The following CUX2 variants were observed in gnomAD, a reference collection of about 807,000 sequenced individuals.
The protein encoded by CUX2 is homeobox protein cut-like 2.
In CUX2, 40 loss-of-function variants were observed where a neutral mutation model predicts 144.8. That is an observed-to-expected ratio of 0.28 (90% CI 0.21 to 0.36). CUX2 has a LOEUF of 0.36. CUX2 is among the 10% of genes least tolerant of loss of function. CUX2 has a pLI of 1.00. For missense variants in CUX2, 1,615 were observed against 1,994.0 expected (o/e 0.81, Z 3.62); for synonymous variants, 827 against 875.6 (o/e 0.94, Z 0.98).
chr12:111,198,452 G>A (rs1263450097), intron 1 of CUX2, among the ~76,000 whole-genome samples: 2 of 150,128 alleles, frequency 1.3e-5, no homozygotes, highest in Non-Finnish European at 2.9e-5. Flanking sequence ...TCCAACCTGA[G>A]GTACAGAGTG....
chr12:111,222,282 C>T (rs1261514799), intron 3 of CUX2, among the ~76,000 whole-genome samples: 2 of 152,184 alleles, frequency 1.3e-5, no homozygotes, highest in African/African-American at 4.8e-5. Context: ...TTATTTTAAA[C>T]TTATTTTTAC....
intron 16 of CUX2, among the ~76,000 whole-genome samples, chr12:111,319,017 T>C (rs1321244914): frequency 6.6e-6 from 1 of 152,106 alleles, no homozygotes; most frequent in Admixed American, 6.6e-5. Context: ...TTCATTGCTA[T>C]TAGAACAAGT....
At position 111,077,465 on chromosome 12, in the gene CUX2, G is replaced by A. The variant is rs143672484; in HGVS notation, c.63+43225G>A. On this transcript the variant is annotated intron_variant, in intron 1 of 21. Transcript: ENST00000261726. This position sits in a 1 kb window ranked among gnomAD's most constrained non-coding sequence, Gnocchi z 4.1. ...TAAATCCATCAGGCTCACCAGCCCC[G>A]GTCTTGGACCACTGAATAATTTACG... Among the ~76,000 whole-genome samples, 5 of 152,278 alleles carry A rather than the reference G, an allele frequency of 3.3e-5. No individual in the cohort carries two copies. The highest frequency in any genetic ancestry group is 1.9e-4 in the East Asian group (1 of 5,184).
At position 111,171,079 on chromosome 12, in the gene CUX2, T is replaced by C. The variant is rs993526020; in HGVS notation, c.64-43121T>C. Among the ~76,000 whole-genome samples, 1 of 152,078 alleles carries C rather than the reference T, an allele frequency of 6.6e-6. No individual in the cohort carries two copies. Among genetic ancestry groups the C allele is most frequent in the Non-Finnish European group, 1.5e-5 (1 of 68,006 alleles). On this transcript the variant is annotated intron_variant, in intron 1 of 21. Coordinates refer to ENST00000261726, the MANE Select transcript of CUX2 (RefSeq NM_015267.4). This position sits in a 1 kb window ranked among gnomAD's most constrained non-coding sequence, Gnocchi z 5.0. The stretch of plus-strand genomic sequence containing the variant: ...TCTTGGGCTGTGACCCAGAGTGGCG[T>C]TGGCATCCAAGGAGAGAATAGGTGC...
rs2136378712 is a variant in CUX2, at chr12:111,312,285, C to T, written c.2002+84C>T. On this transcript the variant is annotated intron_variant, in intron 16 of 21. Coordinates refer to ENST00000261726, the MANE Select transcript of CUX2 (RefSeq NM_015267.4). The surrounding 1 kb of genome is among the most constrained non-coding windows in gnomAD (Gnocchi z 4.3). ...ATGAGGCTTCGTCTACCTTTGTCCA[C>T]CCCAGAGGGAATCCAAGGTGGATCA... 2 of 1,234,304 alleles carry T rather than the reference C, an allele frequency of 1.6e-6. No homozygotes were observed. The highest frequency in any genetic ancestry group is 2.0e-4 in the Middle Eastern group (1 of 5,036). The allele number at this position is 1,234,304 out of a possible 1,614,324, so 76.5% of individuals were successfully genotyped here. A position where few individuals can be genotyped will look rare whatever the true frequency, so the allele number is the denominator to read the frequency against.
At chr12:111,330,451 G>C in intron 18 of CUX2, among the ~76,000 whole-genome samples, 1 of 151,768 alleles carries the variant, frequency 6.6e-6, no homozygotes, top group Non-Finnish European at 1.5e-5. Flanking sequence ...TGGACACGTT[G>C]TCTAACCTCT....
At chr12:111,305,839 G>A (rs781444630) in intron 10 of CUX2, among the ~76,000 whole-genome samples, 5 of 152,168 alleles carry the variant, frequency 3.3e-5, no homozygotes, top group Non-Finnish European at 7.3e-5. Flanking sequence ...TCTGTTGTGT[G>A]TGATGATGTG....
chr12:111,129,734 T>G (rs1875339099), intron 1 of CUX2, among the ~76,000 whole-genome samples: 1 of 152,238 alleles, frequency 6.6e-6, no homozygotes, highest in Non-Finnish European at 1.5e-5. Flanking sequence ...GTTTACTAAT[T>G]TCCTACATAG....
At chr12:111,337,285 A>G (rs954259895) in intron 19 of CUX2, among the ~76,000 whole-genome samples, 3 of 151,494 alleles carry the variant, frequency 2.0e-5, no homozygotes, top group Admixed American at 6.6e-5. Flanking sequence ...CCTGGGAGGC[A>G]GAGGTTATAG....
At chr12:111,185,552 G>A (rs1879475312) in intron 1 of CUX2, among the ~76,000 whole-genome samples, 1 of 152,246 alleles carries the variant, frequency 6.6e-6, no homozygotes, top group Non-Finnish European at 1.5e-5. Context: ...CAGGCTGGAA[G>A]GAGGTGCTGT....
intron 1 of CUX2, among the ~76,000 whole-genome samples, chr12:111,148,712 G>A (rs759588365): frequency 6.6e-6 from 1 of 152,138 alleles, no homozygotes; most frequent in Non-Finnish European, 1.5e-5. Flanking sequence ...AAGTAGGTAA[G>A]GGGCTGGGCC....
chr12:111,250,760 A>C (rs1295815454), intron 3 of CUX2, among the ~76,000 whole-genome samples: 1 of 152,190 alleles, frequency 6.6e-6, no homozygotes. Flanking sequence ...TCCTGCGTGC[A>C]TGACCTGCCA....
chr12:111,334,337 A>G, intron 18 of CUX2, 104 bp from the exon 19 acceptor site: 1 of 1,290,328 alleles, frequency 7.7e-7, no homozygotes, highest in South Asian at 1.5e-5. Flanking sequence ...GTGGTTGCAA[A>G]ATGGGTGTTT....
rs112366457 is a variant in CUX2 at position 111,064,812 on chromosome 12, G to A, written c.63+30572G>A. 6.8e-3 allele frequency among the ~76,000 whole-genome samples: 1,039 copies of A among 152,278 alleles called. 15 individuals carry two copies. The highest frequency in any genetic ancestry group is 0.024 in the African/African-American group (986 of 41,542). On this transcript the variant is annotated intron_variant, in intron 1 of 21. Coordinates refer to ENST00000261726, the MANE Select transcript of CUX2 (RefSeq NM_015267.4). Reference sequence around the variant, plus strand: ...GTGAATGACCCATCTCTGAGCCTCAGTCTTTTTTACCTAATGTTGAGTGGC... The same window carrying A: ...GTGAATGACCCATCTCTGAGCCTCAATCTTTTTTACCTAATGTTGAGTGGC...
rs114316640 is a variant in CUX2 at position 111,128,484 on chromosome 12, A to G, written c.64-85716A>G. ...GGACCATGGGCATTTGGGCCACTTC[A>G]TGTAACTTACTGGTGCCTTCAGGGC... On this transcript the variant is annotated intron_variant, in intron 1 of 21. Coordinates refer to ENST00000261726, the MANE Select transcript of CUX2 (RefSeq NM_015267.4). Among the ~76,000 whole-genome samples the G allele has an allele frequency of 9.7e-3, 1,483 of 152,336 alleles. 28 individuals are homozygous for G. The highest frequency in any genetic ancestry group is 0.034 in the African/African-American group (1,424 of 41,580).
At chr12:111,152,359 G>A (rs1044466664) in intron 1 of CUX2, among the ~76,000 whole-genome samples, 1 of 152,116 alleles carries the variant, frequency 6.6e-6, no homozygotes, top group Admixed American at 6.5e-5. Context: ...GGTAGTGCAG[G>A]CAATAGACCT....
Position 111,348,214 on chromosome 12 carries a change from G to A in CUX2, c.4350G>A (p.Lys1450=), listed in dbSNP as rs1270091428. 1 of 1,613,930 alleles carries A rather than the reference G, an allele frequency of 6.2e-7. No homozygotes were observed. Among genetic ancestry groups the A allele is most frequent in the Non-Finnish European group, 8.5e-7 (1 of 1,180,036 alleles). The change falls in exon 22 of 22, where the codon AAG becomes AAA. Residue 1450 remains lysine, a synonymous_variant. Transcript: ENST00000261726. ...DMAGALHPSA[K]VNPNLQRRHE... is the part of the protein sequence containing the mutation. Reference sequence around the variant, plus strand: ...CTGGAGCCTTGCACCCCAGTGCCAAGGTGAACCCCAACTTGCAGCGGCGGC... The same window carrying A: ...CTGGAGCCTTGCACCCCAGTGCCAAAGTGAACCCCAACTTGCAGCGGCGGC...
chr12:111,233,054 AG>A (rs1882558682), intron 3 of CUX2, among the ~76,000 whole-genome samples: 3 of 152,214 alleles, frequency 2.0e-5, no homozygotes, highest in Admixed American at 1.3e-4. Flanking sequence ...AAGCAAGAGT[AG>A]GGACATTCTA....
rs1486058884 is a variant in CUX2, at chr12:111,184,363, T to A, written c.64-29837T>A. Among the ~76,000 whole-genome samples the A allele has an allele frequency of 2.6e-5, 4 of 151,146 alleles. No individual in the cohort carries two copies. In the East Asian group the frequency reaches 7.7e-4, roughly 29 times the overall value. On this transcript the variant is annotated intron_variant, in intron 1 of 21. Transcript: ENST00000261726. Reference sequence around the variant, plus strand: ...TGGAAGTAAACTAAGTGTCTATGAGTGGGGAATTGGAAGTAACCTGAGTGT... The same window carrying A: ...TGGAAGTAAACTAAGTGTCTATGAGAGGGGAATTGGAAGTAACCTGAGTGT...
Sources: gnomAD v4.1 joint callset for allele counts (sites outside exome capture counted in the v4.1 genomes callset) on GRCh38, gnomAD v4.1.1 for gene constraint, Gnocchi (gnomAD v3.1) non-coding constraint, MANE v1.5 for transcripts, NCBI Gene and HGNC (gene_info 2026-07-23, HGNC 2026-07-21) for gene names.